Variants in KIAA0586 observed in about 807,000 individuals in gnomAD.
KIAA0586 encodes protein TALPID3.
A neutral mutation model predicts 169.8 loss-of-function variants in KIAA0586; 144 were observed. The ratio of observed to expected loss-of-function variants is 0.85; its 90% CI spans 0.74 to 0.97. The LOEUF is 0.97. Among genes scored for constraint, KIAA0586 ranks in the 50% least tolerant of loss-of-function variants. The probability of loss-of-function intolerance (pLI) is 0.00; values close to 1 mark genes in which losing one functional copy is unlikely to be tolerated. For missense variants in KIAA0586, 1,854 were observed against 1,823.0 expected (o/e 1.02, Z -0.31); for synonymous variants, 625 against 612.4 (o/e 1.02, Z -0.30).
intron 29 of KIAA0586, among the ~76,000 whole-genome samples, chr14:58,519,839 G>A (rs2045063863): frequency 6.6e-6 from 1 of 152,122 alleles, no homozygotes; most frequent in Non-Finnish European, 1.5e-5. Context: ...ATTTAATTCT[G>A]TTATTTAGTA....
chr14:58,540,267 C>A, intron 30 of KIAA0586, 131 bp downstream of exon 30: 1 of 585,524 alleles, frequency 1.7e-6, no homozygotes. Flanking sequence ...TCTGTAATAT[C>A]TGTAAATTCA....
At position 58,429,352 on chromosome 14, in the gene KIAA0586, TG is replaced by T; in HGVS notation, c.200-10del. ...TTAAAATCACTAAAATCTATTCCTT[TG>T]TTTTGTTAGGTTCATCAGACTTAAC... On this transcript the variant is annotated splice_polypyrimidine_tract_variant and intron_variant, in intron 1 of 30. Transcript: ENST00000652326. 1 of 1,526,946 alleles carries T rather than the reference TG, an allele frequency of 6.5e-7. No individual in the cohort carries two copies. Among genetic ancestry groups the T allele is most frequent in the Non-Finnish European group, 9.1e-7 (1 of 1,101,066 alleles). 94.6% of individuals were successfully genotyped at this position (1,526,946 alleles called of 1,614,324 possible). A position where few individuals can be genotyped will look rare whatever the true frequency, so the allele number is the denominator to read the frequency against.
intron 4 of KIAA0586, among the ~76,000 whole-genome samples, chr14:58,437,392 A>G (rs1400850872): frequency 1.3e-5 from 2 of 152,114 alleles, no homozygotes; most frequent in East Asian, 3.8e-4. Context: ...AAATGTGGGT[A>G]AGAAGTGTTC....
In KIAA0586 at chr14:58,508,573, C is replaced by T. The variant is rs1251081744; in HGVS notation, c.4187C>T (p.Ser1396Leu). The T allele has an allele frequency of 6.3e-7, 1 of 1,590,772 alleles. No homozygotes were observed. The highest frequency in any genetic ancestry group is 2.3e-5 in the East Asian group (1 of 44,110). Residue 1396 changes from serine (S) to leucine (L), a missense_variant, in exon 28 of 31, where the codon TCA becomes TTA. Ser to Leu is a moderately radical substitution (Grantham distance 145). Coordinates refer to ENST00000652326, the MANE Select transcript of KIAA0586 (RefSeq NM_001329943.3). ...ATAACAGGTAGTATTTATGAAGATT[C>T]ATGTGCTAGTCATGGTCCAATGAGT... is the stretch of plus-strand genomic sequence containing the variant. ...DTVSGSIYEDSCASHGPMSLG... is the reference protein window; with the variant it reads ...DTVSGSIYEDLCASHGPMSLG...
intron 20 of KIAA0586, among the ~76,000 whole-genome samples, chr14:58,480,275 C>T (rs1427439010): frequency 6.6e-6 from 1 of 151,432 alleles, no homozygotes; most frequent in Non-Finnish European, 1.5e-5. Context: ...GCACTATTGA[C>T]CATCTCTGAT....
rs545893163 is a variant in KIAA0586, at chr14:58,550,716, C to G, written c.*2784C>G. 6.6e-6 allele frequency: 1 copy of G among 151,952 alleles called. No individual in the cohort carries two copies. The highest frequency in any genetic ancestry group is 2.4e-5 in the African/African-American group (1 of 41,406). 9.4% of individuals were successfully genotyped at this position (151,952 alleles called of 1,614,324 possible). On this transcript the variant is annotated 3_prime_UTR_variant, in exon 31 of 31. Coordinates refer to ENST00000652326, the MANE Select transcript of KIAA0586 (RefSeq NM_001329943.3). ...GGTCATGGTTGCACACACCTGTAGC[C>G]CCAGCTACTCAAGAGGGTGAGGTGA...
chr14:58,486,395 A>G (rs1178549958), intron 21 of KIAA0586, among the ~76,000 whole-genome samples: 1 of 152,146 alleles, frequency 6.6e-6, no homozygotes, highest in Non-Finnish European at 1.5e-5. Context: ...GCTGTTGTGA[A>G]TAGTGTGGCA....
rs1323586580 is a variant in KIAA0586, at chr14:58,474,633, A to G, written c.2661A>G (p.Pro887=). ...IQEEEKCDEI[P]DSEPILEFNR... ...AAGAAGAAAAATGTGATGAAATTCC[A>G]GACTCTGAACCAATTCTGGAGTTTA... The change falls in exon 19 of 31, where the codon CCA becomes CCG. Residue 887 remains proline, a synonymous_variant. Coordinates refer to ENST00000652326, the MANE Select transcript of KIAA0586 (RefSeq NM_001329943.3). The G allele has an allele frequency of 6.3e-7, 1 of 1,586,584 alleles. No homozygotes were observed. The highest frequency in any genetic ancestry group is 8.5e-7 in the Non-Finnish European group (1 of 1,171,892).
chr14:58,488,419 T>C (rs924807739), intron 23 of KIAA0586, among the ~76,000 whole-genome samples: 1 of 152,184 alleles, frequency 6.6e-6, no homozygotes, highest in Non-Finnish European at 1.5e-5. Flanking sequence ...TTATTTTATA[T>C]CTCTCTGTAT....
chr14:58,440,049 A>ATT (rs59044231), intron 4 of KIAA0586: 2,661 of 164,172 alleles, frequency 0.016, 31 homozygotes, highest in Middle Eastern at 0.028. Context: ...TTAATTTTTA[A>ATT]TTTTTTTTTT....
At chr14:58,512,170 G>C (rs923966126) in intron 28 of KIAA0586, among the ~76,000 whole-genome samples, 7 of 152,080 alleles carry the variant, frequency 4.6e-5, no homozygotes, top group Non-Finnish European at 1.0e-4. Flanking sequence ...AGAGTTTGCT[G>C]CCAAATTAAG....
intron 27 of KIAA0586, among the ~76,000 whole-genome samples, chr14:58,502,166 C>T (rs1346311321): frequency 6.6e-6 from 1 of 151,946 alleles, no homozygotes; most frequent in African/African-American, 2.4e-5. Context: ...GACAGAGTCT[C>T]GCTCTGTTGC....
At chr14:58,537,721 C>T (rs1044119768) in intron 29 of KIAA0586, among the ~76,000 whole-genome samples, 2 of 151,970 alleles carry the variant, frequency 1.3e-5, no homozygotes, top group African/African-American at 4.8e-5. Flanking sequence ...GATCTTGGCT[C>T]ACTGCAAGAT....
At chr14:58,457,575 G>A (rs764661636) in intron 10 of KIAA0586, among the ~76,000 whole-genome samples, 184 bp from the exon 11 acceptor site, 126 of 152,264 alleles carry the variant, frequency 8.3e-4, no homozygotes, top group Non-Finnish European at 1.5e-3. Context: ...GCCCACATTA[G>A]TATTTCTAAA....
chr14:58,432,566 G>A (rs1003533850), intron 4 of KIAA0586, 109 bp downstream of exon 4: 5 of 611,428 alleles, frequency 8.2e-6, no homozygotes, highest in Non-Finnish European at 1.4e-5. Flanking sequence ...TATATTGTGT[G>A]ATATGTATAA....
chr14:58,530,704 A>G (rs2045904635), intron 29 of KIAA0586, among the ~76,000 whole-genome samples: 1 of 152,246 alleles, frequency 6.6e-6, no homozygotes, highest in African/African-American at 2.4e-5. Context: ...AGATGGATTA[A>G]AGACTTAAAC....
chr14:58,467,679 G>T (rs1049867333), intron 15 of KIAA0586, 56 bp from the exon 16 acceptor site: 1 of 1,300,788 alleles, frequency 7.7e-7, no homozygotes. Context: ...TGGTATATTA[G>T]ACTTTTCCCT....
chr14:58,508,827 C>T, intron 28 of KIAA0586, 118 bp downstream of exon 28: 1 of 704,874 alleles, frequency 1.4e-6, no homozygotes, highest in Non-Finnish European at 2.3e-6. Context: ...AATCATGCCT[C>T]CTTTATTTCC....
chr14:58,538,250 C>T (rs1391092848), intron 29 of KIAA0586, among the ~76,000 whole-genome samples: 1 of 152,184 alleles, frequency 6.6e-6, no homozygotes, highest in African/African-American at 2.4e-5. Flanking sequence ...TATTTGTCCA[C>T]ACTCTTGTCC....
Sources: gnomAD v4.1 joint callset for allele counts (sites outside exome capture counted in the v4.1 genomes callset) on GRCh38, gnomAD v4.1.1 for gene constraint, MANE v1.5 for transcripts, NCBI Gene and HGNC (gene_info 2026-07-23, HGNC 2026-07-21) for gene names.